DAB1: variants seen among roughly 807,000 people sequenced by gnomAD.
DAB1 encodes DAB adaptor protein 1.
Under a neutral mutation model 64.6 loss-of-function variants are expected in DAB1, and 15 were observed. The ratio of observed to expected loss-of-function variants is 0.23; its 90% confidence interval spans 0.16 to 0.36. The LOEUF is 0.36. DAB1 is among the 10% of genes least tolerant of loss of function. The pLI, the probability that DAB1 is intolerant of heterozygous loss-of-function variation, is 1.00. For synonymous variants in DAB1, 235 were observed against 251.9 expected (o/e 0.93, Z 0.64); for missense variants, 596 against 706.7 (o/e 0.84, Z 1.78).
chr1:56,999,654 G>T (rs1441712889), intron 14 of DAB1, among the ~76,000 whole-genome samples: 1 of 152,126 alleles, frequency 6.6e-6, no homozygotes, highest in Admixed American at 6.5e-5. Flanking sequence ...AGAAGATAAG[G>T]TTGTACTGGC....
At chr1:58,516,194 ACAAT>A (rs1329953452) in intron 2 of DAB1, among the ~76,000 whole-genome samples, 3 of 152,200 alleles carry the variant, frequency 2.0e-5, no homozygotes, top group Non-Finnish European at 2.9e-5. Context: ...ACAATCAAAA[ACAAT>A]CATACACCAT....
At chr1:57,802,352 T>G (rs1651167015) in intron 6 of DAB1, among the ~76,000 whole-genome samples, 1 of 152,146 alleles carries the variant, frequency 6.6e-6, no homozygotes, top group East Asian at 1.9e-4. Flanking sequence ...CTGTCACAGA[T>G]TGAGTTCTCT....
intron 7 of DAB1, among the ~76,000 whole-genome samples, chr1:57,477,678 G>A (rs567865591): frequency 6.6e-5 from 10 of 152,272 alleles, no homozygotes; most frequent in Admixed American, 6.5e-4. Context: ...TCTGCAAGTG[G>A]TGAGAAATCA....
At chr1:57,727,121 A>G (rs905370270) in intron 6 of DAB1, among the ~76,000 whole-genome samples, 2 of 152,196 alleles carry the variant, frequency 1.3e-5, no homozygotes, top group African/African-American at 2.4e-5. Context: ...GCTAGAGGTG[A>G]CTGCAGCTGC....
At chr1:57,370,441 A>G (rs1438039201) in intron 1 of DAB1, among the ~76,000 whole-genome samples, 1 of 152,228 alleles carries the variant, frequency 6.6e-6, no homozygotes, top group Non-Finnish European at 1.5e-5. Context: ...AAAGTGAAAT[A>G]AAAGAGTTGC....
chr1:58,398,982 G>A (rs1456305979), intron 3 of DAB1, among the ~76,000 whole-genome samples: 1 of 152,168 alleles, frequency 6.6e-6, no homozygotes, highest in Admixed American at 6.5e-5. Context: ...AAAAGGCAGT[G>A]AACTGCTTAG....
intron 7 of DAB1, among the ~76,000 whole-genome samples, chr1:57,550,970 T>C (rs1644907416): frequency 6.6e-6 from 1 of 152,180 alleles, no homozygotes; most frequent in African/African-American, 2.4e-5. Flanking sequence ...CCTTGTAAGA[T>C]ACCATTATCC....
chr1:57,052,168 G>C (rs892173075), intron 9 of DAB1, among the ~76,000 whole-genome samples: 2 of 152,054 alleles, frequency 1.3e-5, no homozygotes, highest in East Asian at 3.9e-4. Context: ...TGAATCAAGA[G>C]CCGAGGCTGT....
rs952290525 is a variant in DAB1, at chr1:57,687,698, T to A, written n.552-38033A>T. Among the ~76,000 whole-genome samples the A allele has an allele frequency of 2.7e-5, 4 of 150,040 alleles. No homozygotes were observed. In the South Asian group the frequency reaches 8.4e-4, roughly 31 times the overall value. ...AAAGGCTACAGTAACCAAAATAGCA[T>A]GGTACTGGTACAAAAACAGACACAA... On this transcript the variant is annotated intron_variant and non_coding_transcript_variant, in intron 6 of 20. Coordinates refer to the DAB1 transcript ENST00000485760.
At chr1:57,076,251 G>A (rs1054162734) in intron 4 of DAB1, among the ~76,000 whole-genome samples, 20 of 152,166 alleles carry the variant, frequency 1.3e-4, no homozygotes, top group Non-Finnish European at 5.9e-5. Context: ...AGAGAATACC[G>A]GCCGGAGTGG....
chr1:57,772,787 T>C (rs1263570307), intron 6 of DAB1, among the ~76,000 whole-genome samples: 1 of 152,094 alleles, frequency 6.6e-6, no homozygotes, highest in African/African-American at 2.4e-5. Context: ...ATGAGTTGAA[T>C]TGTGTCTCCC....
intron 2 of DAB1, among the ~76,000 whole-genome samples, chr1:57,244,497 G>A (rs1055017206): frequency 6.6e-6 from 1 of 152,160 alleles, no homozygotes; most frequent in African/African-American, 2.4e-5. Context: ...ATCACCAAAG[G>A]AACAGACAAG....
chr1:58,253,878 T>C (rs975010146), intron 4 of DAB1, among the ~76,000 whole-genome samples: 10 of 152,224 alleles, frequency 6.6e-5, no homozygotes, highest in African/African-American at 2.4e-4. Flanking sequence ...CCTGAGCTTC[T>C]GTTTTTCAAC....
intron 6 of DAB1, among the ~76,000 whole-genome samples, chr1:57,754,215 C>A (rs1353799779): frequency 2.0e-5 from 3 of 152,176 alleles, no homozygotes; most frequent in Non-Finnish European, 4.4e-5. Context: ...ATCTTTTATG[C>A]AGCTACTACA....
intron 4 of DAB1, among the ~76,000 whole-genome samples, chr1:58,275,364 A>T (rs1243168242): frequency 6.6e-6 from 1 of 152,214 alleles, no homozygotes; most frequent in African/African-American, 2.4e-5. Flanking sequence ...CTTTGCACAA[A>T]AGGACAAAAT....
At chr1:58,164,254 A>C (rs1372697558) in intron 4 of DAB1, among the ~76,000 whole-genome samples, 3 of 152,004 alleles carry the variant, frequency 2.0e-5, no homozygotes, top group African/African-American at 7.2e-5. Context: ...CTAAATTCCA[A>C]ATCTCATATT....
At chr1:57,755,841 C>T (rs1346839579) in intron 6 of DAB1, among the ~76,000 whole-genome samples, 1 of 152,138 alleles carries the variant, frequency 6.6e-6, no homozygotes, top group Non-Finnish European at 1.5e-5. Flanking sequence ...ATTACTGGGT[C>T]CCGTTAATTA....
intron 4 of DAB1, among the ~76,000 whole-genome samples, chr1:57,120,043 T>C (rs1182546464): frequency 6.6e-6 from 1 of 152,152 alleles, no homozygotes; most frequent in Non-Finnish European, 1.5e-5. Context: ...GGTGAATTTC[T>C]CTGCCTCTAC....
At chr1:58,150,752 A>G (rs1654880622) in intron 4 of DAB1, among the ~76,000 whole-genome samples, 2 of 151,772 alleles carry the variant, frequency 1.3e-5, no homozygotes, top group Admixed American at 1.3e-4. Flanking sequence ...GGTTTGTTAC[A>G]TATGTATACA....
Sources: gnomAD v4.1 joint callset for allele counts (sites outside exome capture counted in the v4.1 genomes callset) on GRCh38, gnomAD v4.1.1 for gene constraint, MANE v1.5 for transcripts, NCBI Gene and HGNC (gene_info 2026-07-23, HGNC 2026-07-21) for gene names.